Variants in SMIM7 observed in about 807,000 individuals in gnomAD.
SMIM7 encodes the protein small integral membrane protein 7.
In SMIM7, 12 loss-of-function variants were observed where a neutral mutation model predicts 13.3. The observed-to-expected ratio is 0.90, with a 90% CI of 0.58 to 1.46. SMIM7 has a LOEUF of 1.46. SMIM7 is among the 40% of genes most tolerant of loss of function. SMIM7 has a pLI of 0.00. For missense variants in SMIM7, 114 were observed against 94.8 expected (o/e 1.20, Z -0.84); for synonymous variants, 36 against 35.8 (o/e 1.01, Z -0.02).
At chr19:16,648,087 C>T (rs1168746989) in intron 4 of SMIM7, among the ~76,000 whole-genome samples, 1 of 152,138 alleles carries the variant, frequency 6.6e-6, no homozygotes, top group Non-Finnish European at 1.5e-5. Context: ...TACTATAATA[C>T]CCAAAGCACA....
In SMIM7 at chr19:16,660,142, A is replaced by C. The variant is rs780542810; in HGVS notation, c.-32T>G. The C allele has an allele frequency of 6.2e-7, 1 of 1,613,946 alleles. No individual in the cohort carries two copies. The highest frequency in any genetic ancestry group is 2.2e-5 in the East Asian group (1 of 44,878). On this transcript the variant is annotated 5_prime_UTR_variant, in exon 1 of 5. Transcript: ENST00000487416. ...GGCCGAAGCGTCCGTCAGAACCGGA[A>C]GCGGAAGCCCCAGGGAGGGAGGGGA...
downstream of SMIM7, among the ~76,000 whole-genome samples, chr19:16,644,181 C>T (rs938829161): frequency 5.4e-5 from 7 of 128,900 alleles, no homozygotes; most frequent in East Asian, 2.3e-4. Context: ...AGTGCAATGG[C>T]GCGATCTCGG....
downstream of SMIM7, among the ~76,000 whole-genome samples, chr19:16,644,155 T>C (rs1230672081): frequency 2.1e-5 from 3 of 144,440 alleles, no homozygotes; most frequent in Non-Finnish European, 4.5e-5. Context: ...GATGTTTTGC[T>C]CGTCGCCTAG....
intron 4 of SMIM7, chr19:16,652,576 T>G: frequency 8.5e-7 from 1 of 1,170,792 alleles, no homozygotes; most frequent in Non-Finnish European, 1.1e-6. Flanking sequence ...TCATACATGC[T>G]CTCAGATCCT....
At chr19:16,634,617 A>C (rs1397840847) in intron 4 of SMIM7, 1 of 151,916 alleles carries the variant, frequency 6.6e-6, no homozygotes, top group African/African-American at 2.4e-5. Flanking sequence ...TCTGTACTAA[A>C]AATACAAAAA....
At chr19:16,633,979 A>ATATGTATTG (rs1212294441) in intron 4 of SMIM7, 1 of 152,044 alleles carries the variant, frequency 6.6e-6, no homozygotes, top group Non-Finnish European at 1.5e-5. Context: ...TCCGGCATTC[A>ATATGTATTG]TATGTATTGT....
At chr19:16,642,272 T>C (rs1350585516), downstream of SMIM7, among the ~76,000 whole-genome samples, 2 of 152,178 alleles carry the variant, frequency 1.3e-5, no homozygotes, top group Non-Finnish European at 1.5e-5. Context: ...AAGAATCATA[T>C]TGTGATTGAG....
downstream of SMIM7, chr19:16,644,758 C>G (rs2086433061): frequency 6.6e-6 from 1 of 152,242 alleles, no homozygotes; most frequent in Non-Finnish European, 1.5e-5. Flanking sequence ...TGTCATCAGC[C>G]TTTAATGGTG....
intron 1 of SMIM7, 24 bp from the exon 2 acceptor site, chr19:16,660,024 C>A: frequency 6.2e-7 from 1 of 1,614,030 alleles, no homozygotes; most frequent in South Asian, 1.1e-5. Context: ...ATTACAGTTA[C>A]TAGGGGCGCC....
At chr19:16,652,750 A>T (rs2086544060) in intron 4 of SMIM7, 1 of 1,460,928 alleles carries the variant, frequency 6.8e-7, no homozygotes, top group Middle Eastern at 2.1e-4. Context: ...CCACATTCGG[A>T]GTCTCAATCA....
chr19:16,635,686 A>G (rs1433654077), intron 4 of SMIM7, among the ~76,000 whole-genome samples: 1 of 151,816 alleles, frequency 6.6e-6, no homozygotes, highest in Non-Finnish European at 1.5e-5. Flanking sequence ...GTTTGAGACC[A>G]GCCTGGCCAA....
chr19:16,649,451 T>C (rs954392058), intron 4 of SMIM7, among the ~76,000 whole-genome samples: 1 of 152,058 alleles, frequency 6.6e-6, no homozygotes, highest in Non-Finnish European at 1.5e-5. Flanking sequence ...TGCACACCTG[T>C]AACCCCAGTT....
chr19:16,659,916 G>A (rs770914845), intron 2 of SMIM7, 43 bp downstream of exon 2: 8 of 1,586,216 alleles, frequency 5.0e-6, no homozygotes, highest in Admixed American at 1.8e-5. Context: ...GCGGGGCTAC[G>A]GGTTCCCCGG....
At chr19:16,631,738 C>A (rs1263736872) in intron 4 of SMIM7, 1 of 152,150 alleles carries the variant, frequency 6.6e-6, no homozygotes, top group African/African-American at 2.4e-5. Context: ...AGAGACAGGC[C>A]ATTTAAAGCA....
At chr19:16,641,455 C>T (rs1434838861), downstream of SMIM7, 1 of 152,066 alleles carries the variant, frequency 6.6e-6, no homozygotes, top group African/African-American at 2.4e-5. Context: ...TGTACCACCA[C>T]ACTCGGCTAA....
chr19:16,659,807 A>C, intron 2 of SMIM7, 152 bp downstream of exon 2: 4 of 983,612 alleles, frequency 4.1e-6, no homozygotes, highest in South Asian at 1.4e-5. Flanking sequence ...GGGGCGAGGA[A>C]GATAAACCAG....
chr19:16,659,304 A>C, intron 3 of SMIM7, 91 bp downstream of exon 3: 1 of 1,003,622 alleles, frequency 1.0e-6, no homozygotes, highest in Non-Finnish European at 1.5e-6. Flanking sequence ...AAAAAAAAAA[A>C]GAGAAAGAAA....
chr19:16,638,095 TA>T lies in SMIM7; in HGVS notation c.*138-6372del, dbSNP rs199961444. Among the ~76,000 whole-genome samples, 1,147 of 142,692 alleles carry T rather than the reference TA, an allele frequency of 8.0e-3. 11 individuals carry two copies. Among genetic ancestry groups the T allele is most frequent in the African/African-American group, 0.023 (892 of 38,914 alleles). The allele number at this position is 142,692 out of a possible 152,430, so 93.6% of individuals were successfully genotyped here. A position where few individuals can be genotyped will look rare whatever the true frequency, so the allele number is the denominator to read the frequency against. ...CAACGTGGTGAAACCCCACCTCTAC[TA>T]AAAAAAAAAAAATTACAAAAATTAG... On this transcript the variant is annotated intron_variant and NMD_transcript_variant, in intron 4 of 4. Coordinates refer to the SMIM7 transcript ENST00000465250.
intron 3 of SMIM7, 88 bp downstream of exon 3, chr19:16,659,307 G>C: frequency 1.7e-5 from 13 of 783,248 alleles, no homozygotes; most frequent in East Asian, 5.9e-5. Flanking sequence ...AAAAAAAAGA[G>C]AAAGAAAGAA....
Sources: gnomAD v4.1 joint callset for allele counts (sites outside exome capture counted in the v4.1 genomes callset) on GRCh38, gnomAD v4.1.1 for gene constraint, MANE v1.5 for transcripts, NCBI Gene and HGNC (gene_info 2026-07-23, HGNC 2026-07-21) for gene names.